Variants in TMEM132D observed in about 807,000 individuals in gnomAD.
The protein encoded by TMEM132D is transmembrane protein 132D.
TMEM132D carries 21 observed loss-of-function variants against 62.3 expected under a neutral mutation model. The ratio of observed to expected loss-of-function variants is 0.34; its 90% CI spans 0.24 to 0.49. The LOEUF is 0.49. Among genes scored for constraint, TMEM132D ranks in the 20% least tolerant of loss-of-function variants. The pLI is 0.99. For missense variants in TMEM132D, 1,346 were observed against 1,402.8 expected, an observed-to-expected ratio of 0.96 and a Z score of 0.65; for synonymous variants, 621 against 575.6, an observed-to-expected ratio of 1.08 and a Z score of -1.13.
intron 3 of TMEM132D, among the ~76,000 whole-genome samples, chr12:129,348,541 A>T (rs986871907): frequency 2.0e-5 from 3 of 152,128 alleles, no homozygotes; most frequent in Admixed American, 6.5e-5. Context: ...AACATCACCC[A>T]CCAGGGCCTG....
At position 129,577,423 on chromosome 12, in the gene TMEM132D, A is replaced by T. The variant is rs900092995; in HGVS notation, c.969-46218T>A. ...ACAATTATATATATATAATTATATA[A>T]ATATATATCTATATTTATATAAATA... On this transcript the variant is annotated intron_variant, in intron 2 of 8. Transcript: ENST00000422113. Among the ~76,000 whole-genome samples, 55 of 148,140 alleles carry T rather than the reference A, an allele frequency of 3.7e-4. 1 individual carries two copies. The highest frequency in any genetic ancestry group is 1.2e-3 in the African/African-American group (49 of 40,542).
chr12:129,741,422 GAAC>G (rs1177201366), intron 1 of TMEM132D, among the ~76,000 whole-genome samples: 2 of 152,082 alleles, frequency 1.3e-5, no homozygotes, highest in Non-Finnish European at 2.9e-5. Flanking sequence ...TATTATTATA[GAAC>G]AATAAAGAAA....
chr12:129,220,582 C>T (rs1030312635), intron 4 of TMEM132D, among the ~76,000 whole-genome samples: 6 of 152,134 alleles, frequency 3.9e-5, no homozygotes, highest in African/African-American at 9.7e-5. Flanking sequence ...TCCATGGCCT[C>T]GTGTTCTCCT....
intron 5 of TMEM132D, among the ~76,000 whole-genome samples, chr12:129,176,552 G>A (rs1454543422): frequency 6.6e-6 from 1 of 152,200 alleles, no homozygotes; most frequent in African/African-American, 2.4e-5. Context: ...CTGATCTAGG[G>A]AGGGGACTCC....
At chr12:129,731,301 T>C (rs1869227839) in intron 1 of TMEM132D, among the ~76,000 whole-genome samples, 1 of 152,060 alleles carries the variant, frequency 6.6e-6, no homozygotes, top group Non-Finnish European at 1.5e-5. Context: ...CGAAACATAC[T>C]GTCTTATAGA....
chr12:129,384,017 C>T (rs529625253), intron 3 of TMEM132D, among the ~76,000 whole-genome samples: 1 of 152,298 alleles, frequency 6.6e-6, no homozygotes, highest in East Asian at 1.9e-4. Flanking sequence ...TTGTAGAAGA[C>T]TCTCATTGAG....
At chr12:129,078,816 C>A in intron 7 of TMEM132D, 91 bp from the exon 8 acceptor site, 2 of 1,354,554 alleles carry the variant, frequency 1.5e-6, no homozygotes, top group South Asian at 1.3e-5. Flanking sequence ...GTGCAGGCAG[C>A]GGCAGGGCAA....
intron 4 of TMEM132D, among the ~76,000 whole-genome samples, chr12:129,219,397 G>A (rs775309530): frequency 2.6e-5 from 4 of 152,136 alleles, no homozygotes; most frequent in African/African-American, 9.7e-5. Flanking sequence ...ACCCAGTCTT[G>A]GGTATGTCTT....
At chr12:129,769,549 G>T (rs1379387349) in intron 1 of TMEM132D, among the ~76,000 whole-genome samples, 2 of 152,148 alleles carry the variant, frequency 1.3e-5, no homozygotes, top group African/African-American at 4.8e-5. Flanking sequence ...TCCCTGACAT[G>T]TCAGAAGGTC....
At chr12:129,573,428 A>C (rs1385015262) in intron 2 of TMEM132D, among the ~76,000 whole-genome samples, 2 of 152,096 alleles carry the variant, frequency 1.3e-5, no homozygotes, top group African/African-American at 4.8e-5. Flanking sequence ...CAGCTTGTGG[A>C]GCATCCACCA....
intron 2 of TMEM132D, among the ~76,000 whole-genome samples, chr12:129,612,921 A>G (rs1049707509): frequency 2.0e-5 from 3 of 152,180 alleles, no homozygotes; most frequent in Non-Finnish European, 4.4e-5. Flanking sequence ...AGGTTTTGTC[A>G]ATCTAATATT....
At chr12:129,394,438 G>C (rs1377039926) in intron 3 of TMEM132D, among the ~76,000 whole-genome samples, 2 of 152,196 alleles carry the variant, frequency 1.3e-5, no homozygotes, top group Non-Finnish European at 2.9e-5. Context: ...GAAAATGACA[G>C]TAAGTGTTTT....
chr12:129,285,611 T>C lies in TMEM132D; in HGVS notation c.1299+52023A>G, dbSNP rs559068713. On this transcript the variant is annotated intron_variant, in intron 4 of 8. Transcript: ENST00000422113. ...CCACTTCCAGACCAGCTACCATTGG[T>C]GTATTACTTGACTGGGGAAAAAATA... Among the ~76,000 whole-genome samples, 13 of 151,258 alleles carry C rather than the reference T, an allele frequency of 8.6e-5. No individual in the cohort carries two copies. In the East Asian group the frequency reaches 2.5e-3, roughly 29 times the overall value.
intron 1 of TMEM132D, among the ~76,000 whole-genome samples, chr12:129,811,993 C>T (rs1295846348): frequency 6.6e-6 from 1 of 151,780 alleles, no homozygotes; most frequent in Admixed American, 6.6e-5. Flanking sequence ...TGAGCAGAGA[C>T]CCAGCTGAGC....
chr12:129,293,051 A>G (rs1881488071), intron 4 of TMEM132D, among the ~76,000 whole-genome samples: 1 of 152,264 alleles, frequency 6.6e-6, no homozygotes, highest in Middle Eastern at 3.4e-3. Flanking sequence ...TTCTGTTCCC[A>G]GGGATGTGGA....
chr12:129,087,548 T>C (rs543462117), intron 5 of TMEM132D, among the ~76,000 whole-genome samples: 1 of 151,686 alleles, frequency 6.6e-6, no homozygotes, highest in East Asian at 1.9e-4. Context: ...AAGAAGGTCC[T>C]GTGACCACAG....
chr12:129,459,953 GGGA>G (rs1873605835), intron 3 of TMEM132D, among the ~76,000 whole-genome samples: 2 of 152,190 alleles, frequency 1.3e-5, no homozygotes, highest in South Asian at 4.1e-4. Flanking sequence ...TGCCAATTTA[GGGA>G]CTTACTTGCT....
intron 1 of TMEM132D, among the ~76,000 whole-genome samples, chr12:129,782,235 T>C (rs1203106846): frequency 6.6e-6 from 1 of 152,186 alleles, no homozygotes; most frequent in East Asian, 1.9e-4. Context: ...AAATTTCCTT[T>C]GAGCACCACG....
rs751305550 is a variant in TMEM132D, at chr12:129,078,542, G to A, written c.2107C>T (p.Pro703Ser). ...TAVAQELLQR[P>S]KQEAAISCWV... ...CAAGCCCTCCTCCATACCTGTTTTGGCCTCTGCAGAAGTTCCTGAGCCACT... is the reference window on the plus strand; with the variant it reads ...CAAGCCCTCCTCCATACCTGTTTTGACCTCTGCAGAAGTTCCTGAGCCACT... The change falls in exon 8 of 9, where the codon CCA becomes TCA. Residue 703 changes from proline (P) to serine (S), a missense_variant. Transcript: ENST00000422113. 2 of 1,613,350 alleles carry A rather than the reference G, an allele frequency of 1.2e-6. No individual in the cohort carries two copies. Among genetic ancestry groups the A allele is most frequent in the African/African-American group, 1.3e-5 (1 of 74,868 alleles).
Sources: gnomAD v4.1 joint callset for allele counts (sites outside exome capture counted in the v4.1 genomes callset) on GRCh38, gnomAD v4.1.1 for gene constraint, MANE v1.5 for transcripts, NCBI Gene and HGNC (gene_info 2026-07-23, HGNC 2026-07-21) for gene names.